The following TSHZ1 variants were observed in gnomAD, a reference collection of about 807,000 sequenced individuals.
TSHZ1 encodes teashirt zinc finger homeobox 1.
In TSHZ1, 12 loss-of-function variants were observed where a neutral mutation model predicts 67.1. That is an observed-to-expected ratio of 0.18 (90% confidence interval 0.11 to 0.29). The LOEUF is 0.29. TSHZ1 is among the 10% of genes least tolerant of loss of function. TSHZ1 has a pLI of 1.00. For missense variants in TSHZ1, 1,305 were observed against 1,413.9 expected (o/e 0.92, Z 1.23); for synonymous variants, 632 against 622.4 (o/e 1.02, Z -0.23).
At chr18:75,224,195 C>T (rs546468873) in intron 1 of TSHZ1, among the ~76,000 whole-genome samples, 52 of 151,450 alleles carry the variant, frequency 3.4e-4, no homozygotes, top group Non-Finnish European at 6.3e-4. Flanking sequence ...TTACACACTA[C>T]GGTGCTTGTG....
rs1323299646 is a variant in TSHZ1 at position 75,211,747 on chromosome 18, G to C, written c.-130G>C. The C allele has an allele frequency of 4.5e-6, 2 of 449,236 alleles. No individual in the cohort carries two copies. The highest frequency in any genetic ancestry group is 1.6e-4 in the East Asian group (1 of 6,372). The allele number at this position is 449,236 out of a possible 1,614,324, so 27.8% of individuals were successfully genotyped here. ...CCCCGCGGTCCGCGGCGCGCCCGGAGCCCGGAGCCCGCGGGGACGAGGCCA... is the reference window on the plus strand; with the variant it reads ...CCCCGCGGTCCGCGGCGCGCCCGGACCCCGGAGCCCGCGGGGACGAGGCCA... On this transcript the variant is annotated 5_prime_UTR_variant, in exon 1 of 2. Transcript: ENST00000580243.
intron 1 of TSHZ1, among the ~76,000 whole-genome samples, chr18:75,249,286 T>G (rs1418105956): frequency 6.6e-6 from 1 of 152,168 alleles, no homozygotes; most frequent in Non-Finnish European, 1.5e-5. Flanking sequence ...GTGCCTCGCC[T>G]GCCCCCACGG....
chr18:75,258,242 C>T (rs1221610697), intron 1 of TSHZ1, among the ~76,000 whole-genome samples: 2 of 152,326 alleles, frequency 1.3e-5, no homozygotes, highest in Non-Finnish European at 2.9e-5. Context: ...TACCCACTGT[C>T]AGGGTGCTCT....
chr18:75,245,680 G>A (rs1348133749), intron 1 of TSHZ1, among the ~76,000 whole-genome samples: 6 of 152,152 alleles, frequency 3.9e-5, no homozygotes, highest in Admixed American at 1.3e-4. Context: ...AATTTGCTTA[G>A]TCAAATGACA....
chr18:75,229,478 C>T (rs1201190808), intron 1 of TSHZ1, among the ~76,000 whole-genome samples: 2 of 152,208 alleles, frequency 1.3e-5, no homozygotes, highest in East Asian at 3.9e-4. Context: ...GACTTGTTCA[C>T]GTCCTTGTAG....
At chr18:75,263,856 G>A (rs1449276022) in intron 1 of TSHZ1, among the ~76,000 whole-genome samples, 1 of 152,170 alleles carries the variant, frequency 6.6e-6, no homozygotes, top group East Asian at 1.9e-4. Context: ...AGCTGCAGAG[G>A]AAAAGGAAAG....
intron 1 of TSHZ1, among the ~76,000 whole-genome samples, chr18:75,230,075 G>A (rs776438228): frequency 7.2e-5 from 11 of 152,092 alleles, no homozygotes; most frequent in Non-Finnish European, 1.6e-4. Context: ...GCACATTCTT[G>A]GCCTTTTAGG....
chr18:75,246,516 T>A (rs1008507484), intron 1 of TSHZ1, among the ~76,000 whole-genome samples: 2 of 151,386 alleles, frequency 1.3e-5, no homozygotes, highest in Admixed American at 1.3e-4. Flanking sequence ...TGCAGAACTC[T>A]TGATCCCTTG....
intron 1 of TSHZ1, among the ~76,000 whole-genome samples, chr18:75,223,508 G>A (rs1462813747): frequency 1.3e-5 from 2 of 152,106 alleles, no homozygotes; most frequent in Middle Eastern, 3.2e-3. Flanking sequence ...TAACACATAA[G>A]TGGCTCCTTC....
chr18:75,279,813 C>G (rs1820758097), intron 1 of TSHZ1, among the ~76,000 whole-genome samples: 1 of 152,212 alleles, frequency 6.6e-6, no homozygotes, highest in African/African-American at 2.4e-5. Context: ...TCCGTGCTCC[C>G]CAGTTCTCGG....
In TSHZ1 at chr18:75,287,762, G is replaced by A. The variant is rs573082315; in HGVS notation, c.2355G>A (p.Pro785=). The A allele has an allele frequency of 2.6e-5, 42 of 1,614,134 alleles. No individual in the cohort carries two copies. Among genetic ancestry groups the A allele is most frequent in the African/African-American group, 1.5e-4 (11 of 75,050 alleles). The change falls in exon 2 of 2, where the codon CCG becomes CCA. Residue 785 remains proline, a synonymous_variant. Transcript: ENST00000580243. This position sits in a 1 kb window ranked among gnomAD's most constrained non-coding sequence, Gnocchi z 5.0. ...TCAGCAACAGCATGCTGGACAAGCCGGTGTACCCCGCCACCCCTGTGAAGC... is the reference window on the plus strand; with the variant it reads ...TCAGCAACAGCATGCTGGACAAGCCAGTGTACCCCGCCACCCCTGTGAAGC... ...YKISNSMLDK[P]VYPATPVKQA... is the part of the protein sequence containing the mutation.
At chr18:75,234,598 C>T (rs72969717) in intron 1 of TSHZ1, among the ~76,000 whole-genome samples, 51,780 of 143,486 alleles carry the variant, frequency 0.36, 8,946 homozygotes, top group East Asian at 0.55. Context: ...GTTTTTTTTT[C>T]CCCCCATTAA....
chr18:75,226,918 C>T (rs2022933938), intron 1 of TSHZ1, among the ~76,000 whole-genome samples: 1 of 152,202 alleles, frequency 6.6e-6, no homozygotes, highest in South Asian at 2.1e-4. Flanking sequence ...ACCCTCCCCA[C>T]CTCAGCCCGC....
At chr18:75,252,380 C>T (rs776448808) in intron 1 of TSHZ1, among the ~76,000 whole-genome samples, 6 of 152,122 alleles carry the variant, frequency 3.9e-5, no homozygotes, top group Non-Finnish European at 5.9e-5. Context: ...CTGGGAAGGT[C>T]GTGCACATTT....
intron 1 of TSHZ1, among the ~76,000 whole-genome samples, chr18:75,261,842 C>T (rs1387586231): frequency 6.6e-6 from 1 of 152,148 alleles, no homozygotes; most frequent in Non-Finnish European, 1.5e-5. Context: ...ATAGGATAAC[C>T]TTACAAATCA....
In TSHZ1 at chr18:75,282,027, A is replaced by C. The variant is rs550594656; in HGVS notation, c.41-3421A>C. 7.9e-5 allele frequency among the ~76,000 whole-genome samples: 12 copies of C among 152,228 alleles called. No homozygotes were observed. In the East Asian group the frequency reaches 1.7e-3, roughly 22 times the overall value. On this transcript the variant is annotated intron_variant, in intron 1 of 1. Coordinates refer to ENST00000580243, the MANE Select transcript of TSHZ1 (RefSeq NM_001308210.2). The stretch of plus-strand genomic sequence containing the variant: ...CTCCTTCGACGTCCGCACTCCCTGG[A>C]GTCCACACAGGGCCGTGGACATCTG...
chr18:75,289,928 A>G lies in TSHZ1; in HGVS notation c.*1287A>G, dbSNP rs1431684764. 1.8e-5 allele frequency: 3 copies of G among 167,078 alleles called. No homozygotes were observed. Among genetic ancestry groups the G allele is most frequent in the African/African-American group, 7.2e-5 (3 of 41,452 alleles). The allele number at this position is 167,078 out of a possible 1,614,324, so 10.3% of individuals were successfully genotyped here. Reference sequence around the variant, plus strand: ...TTTCTCAGATGTAAAATAAACCCACATGCAGTTCTTGATTTACACGGATTG... The same window carrying G: ...TTTCTCAGATGTAAAATAAACCCACGTGCAGTTCTTGATTTACACGGATTG... On this transcript the variant is annotated 3_prime_UTR_variant, in exon 2 of 2. Coordinates refer to ENST00000580243, the MANE Select transcript of TSHZ1 (RefSeq NM_001308210.2).
chr18:75,251,917 A>G (rs1336226008), intron 1 of TSHZ1, among the ~76,000 whole-genome samples: 1 of 152,238 alleles, frequency 6.6e-6, no homozygotes, highest in Non-Finnish European at 1.5e-5. Context: ...AGATTATGCA[A>G]GTGATACAGG....
Position 75,239,792 on chromosome 18 carries a change from C to T in TSHZ1, c.40+27876C>T, listed in dbSNP as rs182000078. 5.0e-3 allele frequency among the ~76,000 whole-genome samples: 764 copies of T among 152,352 alleles called. 8 individuals are homozygous for T. The highest frequency in any genetic ancestry group is 0.018 in the African/African-American group (744 of 41,578). On this transcript the variant is annotated intron_variant, in intron 1 of 1. Transcript: ENST00000580243. ...ATGTTGGGATTCTAGGCATGACCCA[C>T]CATGCCTGGTAGATTTTAGGTTTCT...
Sources: allele counts gnomAD v4.1 joint callset (sites outside exome capture counted in the v4.1 genomes callset), GRCh38; gene constraint gnomAD v4.1.1; non-coding constraint Gnocchi (gnomAD v3.1); transcripts MANE v1.5; gene names NCBI Gene and HGNC (gene_info 2026-07-23, HGNC 2026-07-21).